Variants in AGAP9 observed in about 807,000 individuals in gnomAD.
The protein encoded by AGAP9 is ArfGAP with GTPase domain, ankyrin repeat and PH domain 9.
A neutral mutation model predicts 55.6 loss-of-function variants in AGAP9; 23 were observed. The ratio of observed to expected loss-of-function variants is 0.41; its 90% CI spans 0.30 to 0.59. AGAP9 has a LOEUF of 0.59. Ranked by LOEUF, AGAP9 falls within the 20% of genes least tolerant of loss-of-function variation. The pLI, the probability that AGAP9 is intolerant of heterozygous loss-of-function variation, is 0.25. For synonymous variants in AGAP9, 120 were observed against 305.0 expected, an observed-to-expected ratio of 0.39 and a Z score of 6.32; for missense variants, 309 against 808.1, an observed-to-expected ratio of 0.38 and a Z score of 7.49.
At chr10:47,504,845 T>TC (rs1251802623) in intron 6 of AGAP9, among the ~76,000 whole-genome samples, 2 of 125,150 alleles carry the variant, frequency 1.6e-5, no homozygotes, top group East Asian at 3.2e-4. Flanking sequence ...TCATAACTGT[T>TC]CTTTTTTTTT....
chr10:47,521,541 A>C (rs1469809487), intron 2 of AGAP9, among the ~76,000 whole-genome samples: 1 of 141,228 alleles, frequency 7.1e-6, no homozygotes, highest in Non-Finnish European at 1.5e-5. Flanking sequence ...AGAGTAATGA[A>C]ATCTCTGGCA....
chr10:47,506,585 C>T (rs1257876118), intron 6 of AGAP9, among the ~76,000 whole-genome samples: 3 of 142,664 alleles, frequency 2.1e-5, no homozygotes, highest in African/African-American at 7.6e-5. Flanking sequence ...CCACCTTGGC[C>T]TCCCAAAATG....
At position 47,522,235 on chromosome 10, in the gene AGAP9, G is replaced by A. The variant is rs1416270576; in HGVS notation, c.292+631C>T. On this transcript the variant is annotated intron_variant, in intron 2 of 7. Coordinates refer to ENST00000452145, the MANE Select transcript of AGAP9 (RefSeq NM_001190810.1). ...TTACACATTAAAAGTCTACGTTGACGTTTCATGTCTTTTGAAAGTTTTGAC... is the reference window on the plus strand; with the variant it reads ...TTACACATTAAAAGTCTACGTTGACATTTCATGTCTTTTGAAAGTTTTGAC... Among the ~76,000 whole-genome samples, 26 of 142,104 alleles carry A rather than the reference G, an allele frequency of 1.8e-4. 3 individuals carry two copies. The highest frequency in any genetic ancestry group is 2.9e-4 in the Non-Finnish European group (19 of 65,620). The allele number at this position is 142,104 out of a possible 152,430, so 93.2% of individuals were successfully genotyped here. A position where few individuals can be genotyped will look rare whatever the true frequency, so the allele number is the denominator to read the frequency against.
At chr10:47,513,491 C>A (rs1378344981) in intron 4 of AGAP9, among the ~76,000 whole-genome samples, 2 of 141,950 alleles carry the variant, frequency 1.4e-5, no homozygotes, top group African/African-American at 5.1e-5. Context: ...CAATGCAACT[C>A]CCATCAAAAT....
chr10:47,521,951 T>C (rs1325394024), intron 2 of AGAP9, among the ~76,000 whole-genome samples: 2 of 150,612 alleles, frequency 1.3e-5, no homozygotes, highest in Non-Finnish European at 2.9e-5. Flanking sequence ...CAGCTAATTT[T>C]TGTATTTTCT....
intron 4 of AGAP9, among the ~76,000 whole-genome samples, chr10:47,513,647 C>T (rs1222212328): frequency 7.1e-6 from 1 of 140,000 alleles, no homozygotes; most frequent in Admixed American, 7.4e-5. Context: ...TACTATAAGG[C>T]CATAGTCGCC....
chr10:47,503,937 C>CAAAAAAAA (rs1186798630), intron 7 of AGAP9, among the ~76,000 whole-genome samples: 42 of 23,442 alleles, frequency 1.8e-3, no homozygotes, highest in Middle Eastern at 0.033. Context: ...GAGAGTCCAT[C>CAAAAAAAA]AAAAAAAAAA....
rs1840367238 is a variant in AGAP9, at chr10:47,502,311, C to G, written c.1818G>C (p.Leu606=). 6.2e-7 allele frequency: 1 copy of G among 1,603,056 alleles called. No homozygotes were observed. The highest frequency in any genetic ancestry group is 8.5e-7 in the Non-Finnish European group (1 of 1,177,614). ...TDEDLQTAIL[L]LAHGSREEVN... is the part of the protein sequence containing the mutation. Reference sequence around the variant, plus strand: ...CCTCCTCACGGGAGCCATGTGCCAGCAGCAGGATGGCTGTCTGCAGGTCCT... The same window carrying G: ...CCTCCTCACGGGAGCCATGTGCCAGGAGCAGGATGGCTGTCTGCAGGTCCT... The change falls in exon 8 of 8, where the codon CTG becomes CTC. Residue 606 remains leucine, a synonymous_variant. Transcript: ENST00000452145.
In AGAP9 at chr10:47,522,217, T is replaced by C. The variant is rs1840862304; in HGVS notation, c.292+649A>G. 2.8e-5 allele frequency among the ~76,000 whole-genome samples: 4 copies of C among 141,878 alleles called. 1 individual carries two copies. Among genetic ancestry groups the C allele is most frequent in the African/African-American group, 7.9e-5 (3 of 38,160 alleles). 93.1% of individuals were successfully genotyped at this position (141,878 alleles called of 152,430 possible). On this transcript the variant is annotated intron_variant, in intron 2 of 7. Coordinates refer to ENST00000452145, the MANE Select transcript of AGAP9 (RefSeq NM_001190810.1). ...TAACCTGCAATCTTTATATTACACA[T>C]TAAAAGTCTACGTTGACGTTTCATG... is the stretch of plus-strand genomic sequence containing the variant.
At chr10:47,503,787 A>T (rs1368762124) in intron 7 of AGAP9, among the ~76,000 whole-genome samples, 1 of 133,788 alleles carries the variant, frequency 7.5e-6, no homozygotes, top group African/African-American at 3.0e-5. Flanking sequence ...AAAAAAAATT[A>T]GCTGGGCATG....
rs1186688288 is a variant in AGAP9, at chr10:47,502,113, C to T, written c.*39G>A. 8.3e-6 allele frequency: 13 copies of T among 1,573,534 alleles called. No homozygotes were observed. The highest frequency in any genetic ancestry group is 2.4e-5 in the East Asian group (1 of 41,234). ...TCGGGGCAGCCGTACTGCAGAAGCA[C>T]GTTGATGCACTCCTGGCTGGAGGCC... is the stretch of plus-strand genomic sequence containing the variant. On this transcript the variant is annotated 3_prime_UTR_variant, in exon 8 of 8. Coordinates refer to ENST00000452145, the MANE Select transcript of AGAP9 (RefSeq NM_001190810.1).
At chr10:47,506,765 G>T (rs1840487695) in intron 6 of AGAP9, among the ~76,000 whole-genome samples, 1 of 144,908 alleles carries the variant, frequency 6.9e-6, no homozygotes, top group Non-Finnish European at 1.5e-5. Context: ...TCAGCCTCCA[G>T]AATACGTGGG....
chr10:47,513,165 G>T (rs1840662325), intron 4 of AGAP9, among the ~76,000 whole-genome samples: 1 of 149,578 alleles, frequency 6.7e-6, no homozygotes, highest in African/African-American at 2.4e-5. Flanking sequence ...CACCCGAGTA[G>T]ATGGGATAAC....
chr10:47,521,793 T>G (rs1313727523), intron 2 of AGAP9, among the ~76,000 whole-genome samples: 3 of 151,450 alleles, frequency 2.0e-5, no homozygotes, highest in African/African-American at 7.3e-5. Flanking sequence ...TTCCTTTTTT[T>G]TTTGTGAGAC....
chr10:47,504,492 G>C, intron 6 of AGAP9, among the ~76,000 whole-genome samples: 1 of 96,942 alleles, frequency 1.0e-5, no homozygotes, highest in Non-Finnish European at 2.0e-5. Flanking sequence ...CTCCCTAACA[G>C]GCCATGGCAA....
chr10:47,513,695 A>T, intron 4 of AGAP9, among the ~76,000 whole-genome samples: 1 of 140,274 alleles, frequency 7.1e-6, no homozygotes. Flanking sequence ...AGGCACATAC[A>T]CCAATGGAAT....
chr10:47,522,067 G>A (rs1174837103), intron 2 of AGAP9, among the ~76,000 whole-genome samples: 2,985 of 150,434 alleles, frequency 0.02, 39 homozygotes, highest in African/African-American at 0.069. Flanking sequence ...GATTACAGGC[G>A]TGAGCCACCA....
chr10:47,502,372 G>A lies in AGAP9; in HGVS notation c.1757C>T (p.Ser586Phe), dbSNP rs1840368282. The A allele has an allele frequency of 1.2e-6, 2 of 1,609,180 alleles. No individual in the cohort carries two copies. Among genetic ancestry groups the A allele is most frequent in the African/African-American group, 1.4e-5 (1 of 74,000 alleles). Residue 586 changes from serine (S) to phenylalanine (F), a missense_variant, in exon 8 of 8, where the codon TCC (serine) becomes TTC (phenylalanine). Ser to Phe is a radical substitution (Grantham distance 155, BLOSUM62 -2). Coordinates refer to ENST00000452145, the MANE Select transcript of AGAP9 (RefSeq NM_001190810.1). ...GGCCCGCAGCAGCTGCTGGCCCAGG[G>A]ACAGCTCAGTGCAGGGTAGTGGGGC... is the stretch of plus-strand genomic sequence containing the variant. ...FLAPLPCTEL[S>F]LGQQLLRATT...
intron 2 of AGAP9, among the ~76,000 whole-genome samples, chr10:47,520,938 TAA>T (rs1392121322): frequency 8.0e-6 from 1 of 125,180 alleles, no homozygotes; most frequent in Non-Finnish European, 1.6e-5. Context: ...CAGTAAGTTT[TAA>T]AAGACAGTCT....
Sources: gnomAD v4.1 joint callset for allele counts (sites outside exome capture counted in the v4.1 genomes callset) on GRCh38, gnomAD v4.1.1 for gene constraint, MANE v1.5 for transcripts, NCBI Gene and HGNC (gene_info 2026-07-23, HGNC 2026-07-21) for gene names.